Variants in SGCZ observed in about 807,000 individuals in gnomAD.
SGCZ encodes the protein sarcoglycan zeta, also known as zeta-sarcoglycan.
SGCZ carries 40 observed loss-of-function variants against 41.3 expected under a neutral mutation model. The ratio of observed to expected loss-of-function variants is 0.97; its 90% confidence interval spans 0.75 to 1.26. The LOEUF is 1.26. Ranked by LOEUF, SGCZ falls within the 50% of genes most tolerant of loss-of-function variation. The pLI is 0.00. For missense variants in SGCZ, 552 were observed against 369.8 expected (o/e 1.49, Z -4.04); for synonymous variants, 206 against 137.5 (o/e 1.50, Z -3.49).
At chr8:14,350,244 CTT>C (rs35489045) in intron 2 of SGCZ, among the ~76,000 whole-genome samples, 12 of 144,724 alleles carry the variant, frequency 8.3e-5, no homozygotes, top group East Asian at 4.0e-4. Flanking sequence ...AGGAGCAAAA[CTT>C]TTTTTTTTTT....
chr8:14,202,923 G>C (rs74585141), intron 4 of SGCZ, among the ~76,000 whole-genome samples: 1 of 152,076 alleles, frequency 6.6e-6, no homozygotes, highest in African/African-American at 2.4e-5. Context: ...GGAATCAGGC[G>C]GGAGGTGATG....
chr8:14,229,370 G>A (rs1334715698), intron 4 of SGCZ, among the ~76,000 whole-genome samples: 1 of 151,990 alleles, frequency 6.6e-6, no homozygotes, highest in Non-Finnish European at 1.5e-5. Flanking sequence ...TACAAAGACT[G>A]AGAGCTCTAA....
chr8:14,284,806 C>T (rs1800568876), intron 3 of SGCZ, among the ~76,000 whole-genome samples: 2 of 152,080 alleles, frequency 1.3e-5, no homozygotes, highest in Non-Finnish European at 2.9e-5. Context: ...TACATCTTTA[C>T]TATTTTCACT....
intron 3 of SGCZ, among the ~76,000 whole-genome samples, chr8:14,248,007 T>G (rs752231329): frequency 6.6e-6 from 1 of 152,224 alleles, no homozygotes; most frequent in South Asian, 2.1e-4. Context: ...GCAGTAATTT[T>G]CCACCAATGG....
intron 1 of SGCZ, among the ~76,000 whole-genome samples, chr8:14,590,052 A>C (rs901434371): frequency 2.6e-5 from 4 of 152,092 alleles, no homozygotes; most frequent in African/African-American, 9.7e-5. Flanking sequence ...TTGCTACTTT[A>C]TGTGTGTACA....
chr8:14,661,644 G>C (rs1807754187), intron 1 of SGCZ, among the ~76,000 whole-genome samples: 1 of 152,138 alleles, frequency 6.6e-6, no homozygotes, highest in Non-Finnish European at 1.5e-5. Context: ...GCTAAGGACA[G>C]TGGGAATTCA....
intron 1 of SGCZ, among the ~76,000 whole-genome samples, chr8:15,125,513 G>A (rs779014799): frequency 6.6e-6 from 1 of 152,066 alleles, no homozygotes; most frequent in Non-Finnish European, 1.5e-5. Context: ...TCTTCTTTAT[G>A]CTTCTAATTA....
chr8:14,669,181 C>A (rs1191084521), intron 1 of SGCZ, among the ~76,000 whole-genome samples: 1 of 123,556 alleles, frequency 8.1e-6, no homozygotes. Flanking sequence ...CAAACACACA[C>A]ACACACACTA....
Position 14,138,907 on chromosome 8 carries a change from C to T in SGCZ, c.547+25673G>A, listed in dbSNP as rs555386076. 5.9e-5 allele frequency among the ~76,000 whole-genome samples: 9 copies of T among 152,264 alleles called. 1 individual carries two copies. The highest frequency in any genetic ancestry group is 2.1e-4 in the South Asian group (1 of 4,822). ...ATAAACATTCTTCTAAGCACCAAAT[C>T]GCACTTATTCCAAAACTGACCACAT... is the stretch of plus-strand genomic sequence containing the variant. On this transcript the variant is annotated intron_variant, in intron 5 of 7. Coordinates refer to ENST00000382080, the MANE Select transcript of SGCZ (RefSeq NM_139167.4).
At chr8:14,392,967 A>C (rs1012916777) in intron 2 of SGCZ, among the ~76,000 whole-genome samples, 1 of 152,128 alleles carries the variant, frequency 6.6e-6, no homozygotes, top group Non-Finnish European at 1.5e-5. Flanking sequence ...TTTGTACTTA[A>C]TTAATTTTTA....
chr8:14,115,246 G>A (rs1802488619), intron 5 of SGCZ, among the ~76,000 whole-genome samples: 1 of 151,948 alleles, frequency 6.6e-6, no homozygotes, highest in Non-Finnish European at 1.5e-5. Flanking sequence ...AGAGAATCCT[G>A]AGTGAGAAAG....
At chr8:14,647,203 T>TGGA (rs1303226935) in intron 1 of SGCZ, among the ~76,000 whole-genome samples, 5 of 151,948 alleles carry the variant, frequency 3.3e-5, no homozygotes, top group Non-Finnish European at 7.4e-5. Flanking sequence ...ACTATATAGC[T>TGGA]CTCTGGACTG....
intron 1 of SGCZ, among the ~76,000 whole-genome samples, chr8:14,665,499 G>A (rs1463351165): frequency 6.6e-6 from 1 of 152,142 alleles, no homozygotes; most frequent in Non-Finnish European, 1.5e-5. Flanking sequence ...ATAGCAGCAT[G>A]TTTTATAATC....
chr8:14,644,639 G>T (rs1448343231), intron 1 of SGCZ, among the ~76,000 whole-genome samples: 1 of 151,694 alleles, frequency 6.6e-6, no homozygotes, highest in Non-Finnish European at 1.5e-5. Context: ...TTATTTGGGG[G>T]AATGTGTTCT....
chr8:15,036,726 T>A (rs1020976344), intron 1 of SGCZ, among the ~76,000 whole-genome samples: 41 of 152,052 alleles, frequency 2.7e-4, no homozygotes, highest in African/African-American at 8.5e-4. Flanking sequence ...GCTTCCAAAC[T>A]TATCTTACAA....
At chr8:15,111,207 T>C (rs572799175) in intron 1 of SGCZ, among the ~76,000 whole-genome samples, 130 of 152,194 alleles carry the variant, frequency 8.5e-4, no homozygotes, top group African/African-American at 2.7e-3. Context: ...TGGTGGCAGG[T>C]AACCCAAGGC....
intron 5 of SGCZ, among the ~76,000 whole-genome samples, chr8:14,130,067 G>A (rs1355575943): frequency 6.6e-5 from 10 of 152,106 alleles, no homozygotes; most frequent in Admixed American, 5.2e-4. Flanking sequence ...CACAGTTTCT[G>A]ATTATAAAAC....
At chr8:14,897,937 A>C (rs1052766345) in intron 1 of SGCZ, among the ~76,000 whole-genome samples, 2 of 152,172 alleles carry the variant, frequency 1.3e-5, no homozygotes, top group African/African-American at 4.8e-5. Context: ...CATTTTCAAA[A>C]GAGATGTATC....
chr8:14,981,387 G>C (rs764026178), intron 1 of SGCZ, among the ~76,000 whole-genome samples: 6 of 152,166 alleles, frequency 3.9e-5, no homozygotes, highest in Non-Finnish European at 5.9e-5. Flanking sequence ...TTTCACTTCT[G>C]TGAGTCACTG....
Sources: allele counts gnomAD v4.1 joint callset (sites outside exome capture counted in the v4.1 genomes callset), GRCh38; gene constraint gnomAD v4.1.1; transcripts MANE v1.5; gene names NCBI Gene and HGNC (gene_info 2026-07-23, HGNC 2026-07-21).